GBE1: variants seen among roughly 807,000 people sequenced by gnomAD.
The protein encoded by GBE1 is 1,4-alpha-glucan-branching enzyme.
GBE1 carries 70 observed loss-of-function variants against 88.8 expected under a neutral mutation model. That is an observed-to-expected ratio of 0.79 (90% CI 0.65 to 0.96). The LOEUF (loss-of-function observed/expected upper bound fraction) is 0.96. Ranked by LOEUF, GBE1 falls within the 40% of genes least tolerant of loss-of-function variation. The probability of loss-of-function intolerance (pLI) is 0.00; values close to 1 mark genes in which losing one functional copy is unlikely to be tolerated. For synonymous variants in GBE1, 284 were observed against 300.1 expected, an observed-to-expected ratio of 0.95 and a Z score of 0.56; for missense variants, 872 against 871.0, an observed-to-expected ratio of 1.00 and a Z score of -0.01.
intron 14 of GBE1, among the ~76,000 whole-genome samples, chr3:81,511,152 C>T (rs1702721618): frequency 6.6e-6 from 1 of 151,936 alleles, no homozygotes; most frequent in African/African-American, 2.4e-5. Context: ...AGACCTCGAC[C>T]TTTCACCATA....
Position 81,668,290 on chromosome 3 carries a change from A to G in GBE1, c.429+2548T>C, listed in dbSNP as rs529226329. ...AAACCACCATGGCACACGTATATCT[A>G]TGTAACAAACCTGCACGTTCTGCAT... On this transcript the variant is annotated intron_variant, in intron 3 of 15. Transcript: ENST00000429644. Among the ~76,000 whole-genome samples, 784 of 152,316 alleles carry G rather than the reference A, an allele frequency of 5.1e-3. 16 individuals are homozygous for G. Among genetic ancestry groups the G allele is most frequent in the African/African-American group, 0.018 (746 of 41,570 alleles).
chr3:81,595,022 A>C (rs1007845495), intron 7 of GBE1, among the ~76,000 whole-genome samples: 1 of 151,914 alleles, frequency 6.6e-6, no homozygotes, highest in Non-Finnish European at 1.5e-5. Flanking sequence ...TTAAGTCATC[A>C]AAATTAACTT....
At chr3:81,609,067 G>T (rs1054253924) in intron 7 of GBE1, among the ~76,000 whole-genome samples, 8 of 152,146 alleles carry the variant, frequency 5.3e-5, no homozygotes, top group African/African-American at 1.9e-4. Flanking sequence ...AACAAGGTCT[G>T]TTTGTACAGA....
intron 7 of GBE1, among the ~76,000 whole-genome samples, chr3:81,614,166 C>A (rs1310793034): frequency 1.3e-5 from 2 of 152,156 alleles, no homozygotes; most frequent in Non-Finnish European, 2.9e-5. Flanking sequence ...AGGTGCACAC[C>A]ACCACTCTTG....
At chr3:81,549,767 C>A (rs1440532361) in intron 12 of GBE1, among the ~76,000 whole-genome samples, 1 of 151,574 alleles carries the variant, frequency 6.6e-6, no homozygotes. Context: ...AATAATTATT[C>A]TTGCTGTACT....
In GBE1 at chr3:81,761,527, C is replaced by T; in HGVS notation, c.-10G>A. 6.3e-7 allele frequency: 1 copy of T among 1,596,252 alleles called. No homozygotes were observed. Among genetic ancestry groups the T allele is most frequent in the Non-Finnish European group, 8.5e-7 (1 of 1,174,514 alleles). On this transcript the variant is annotated 5_prime_UTR_variant, in exon 1 of 16. Transcript: ENST00000429644. Reference sequence around the variant, plus strand: ...TCATCGGAGCCGCCATATTCCGCCGCAGTCCAAGTAGCCGAGGCCCGAGAG... The same window carrying T: ...TCATCGGAGCCGCCATATTCCGCCGTAGTCCAAGTAGCCGAGGCCCGAGAG...
rs745318242 is a variant in GBE1 at position 81,537,104 on chromosome 3, C to T, written c.1619-9G>A. 2.5e-5 allele frequency: 36 copies of T among 1,469,194 alleles called. No individual in the cohort carries two copies. In the African/African-American group the frequency reaches 3.7e-4, roughly 15 times the overall value. The allele number at this position is 1,469,194 out of a possible 1,614,324, so 91.0% of individuals were successfully genotyped here. On this transcript the variant is annotated splice_polypyrimidine_tract_variant and intron_variant, in intron 12 of 15. Coordinates refer to ENST00000429644, the MANE Select transcript of GBE1 (RefSeq NM_000158.4). ...ATGCCCAAATTCATTACCTGCATTA[C>T]AAAACACATGCAAATATCAGCCTAT...
intron 1 of GBE1, among the ~76,000 whole-genome samples, chr3:81,731,154 T>A (rs1165075936): frequency 6.6e-6 from 1 of 152,100 alleles, no homozygotes; most frequent in East Asian, 1.9e-4. Flanking sequence ...ACCCAACCTC[T>A]ATGGACTGTA....
intron 14 of GBE1, among the ~76,000 whole-genome samples, chr3:81,515,490 C>T (rs1345910911): frequency 6.6e-6 from 1 of 151,430 alleles, no homozygotes; most frequent in African/African-American, 2.4e-5. Context: ...TGTCTCTTCC[C>T]CTTTTCTTGG....
chr3:81,750,671 A>G (rs61389284), intron 1 of GBE1, among the ~76,000 whole-genome samples: 1 of 79,704 alleles, frequency 1.3e-5, no homozygotes, highest in Non-Finnish European at 2.1e-5. Context: ...ATATATATAT[A>G]TACGTATATA....
At position 81,551,921 on chromosome 3, in the gene GBE1, GGGCC is replaced by G. The variant is rs532434461; in HGVS notation, c.1619-14830_1619-14827del. 2.4e-3 allele frequency among the ~76,000 whole-genome samples: 368 copies of G among 152,288 alleles called. 1 individual carries two copies. Among genetic ancestry groups the G allele is most frequent in the African/African-American group, 8.5e-3 (353 of 41,580 alleles). ...CCCCCAATTCTAGAAGAGCTGAAAG[GGGCC>G]AGGAATGTGGTGCTGAATGTTAGAA... On this transcript the variant is annotated intron_variant, in intron 12 of 15. Transcript: ENST00000429644.
intron 12 of GBE1, among the ~76,000 whole-genome samples, chr3:81,538,273 C>T (rs1703101108): frequency 6.6e-6 from 1 of 151,866 alleles, no homozygotes; most frequent in South Asian, 2.1e-4. Context: ...GGATGTAATT[C>T]AAAATAATTT....
chr3:81,599,411 T>G (rs146317232), intron 7 of GBE1, among the ~76,000 whole-genome samples: 1 of 151,906 alleles, frequency 6.6e-6, no homozygotes, highest in East Asian at 1.9e-4. Flanking sequence ...AAAAGACAAG[T>G]GTAAAAGAAA....
At chr3:81,673,266 G>A (rs373373683) in intron 2 of GBE1, among the ~76,000 whole-genome samples, 24 of 151,836 alleles carry the variant, frequency 1.6e-4, no homozygotes, top group Middle Eastern at 3.4e-3. Context: ...ATCTTTTCCC[G>A]GTTAGGTAGA....
chr3:81,580,804 A>G (rs1272662445), intron 11 of GBE1, among the ~76,000 whole-genome samples: 2 of 152,054 alleles, frequency 1.3e-5, no homozygotes, highest in African/African-American at 4.8e-5. Context: ...ATACCTCTAG[A>G]AGGCAGCCTA....
chr3:81,672,008 G>A (rs1705197162), intron 2 of GBE1, among the ~76,000 whole-genome samples: 1 of 151,876 alleles, frequency 6.6e-6, no homozygotes, highest in Non-Finnish European at 1.5e-5. Flanking sequence ...ATATATTCAG[G>A]AGAGGACACT....
intron 1 of GBE1, among the ~76,000 whole-genome samples, chr3:81,758,681 A>G (rs1706636619): frequency 6.6e-6 from 1 of 152,260 alleles, no homozygotes; most frequent in Admixed American, 6.5e-5. Flanking sequence ...AATCAAGTGG[A>G]AAATGCTATT....
At position 81,677,894 on chromosome 3, in the gene GBE1, G is replaced by A. The variant is rs77656608; in HGVS notation, c.314-6941C>T. Among the ~76,000 whole-genome samples the A allele has an allele frequency of 2.8e-4, 43 of 152,228 alleles. No homozygotes were observed. In the East Asian group the frequency reaches 7.9e-3, roughly 28 times the overall value. ...GTGGTTTTCAAGAACAATCTCTAAAGTATATCAGAGTGCCACTAAATTCAG... is the reference window on the plus strand; with the variant it reads ...GTGGTTTTCAAGAACAATCTCTAAAATATATCAGAGTGCCACTAAATTCAG... On this transcript the variant is annotated intron_variant, in intron 2 of 15. Coordinates refer to ENST00000429644, the MANE Select transcript of GBE1 (RefSeq NM_000158.4).
At chr3:81,586,282 G>A (rs1703802709) in intron 9 of GBE1, 92 bp from the exon 10 acceptor site, 2 of 761,012 alleles carry the variant, frequency 2.6e-6, no homozygotes, top group African/African-American at 1.9e-5. Context: ...CAATAATAGG[G>A]GAATATATTT....
Sources: allele counts gnomAD v4.1 joint callset (sites outside exome capture counted in the v4.1 genomes callset), GRCh38; gene constraint gnomAD v4.1.1; transcripts MANE v1.5; gene names NCBI Gene and HGNC (gene_info 2026-07-23, HGNC 2026-07-21).